The following DRD2 variants were observed in gnomAD, a reference collection of about 807,000 sequenced individuals.
The protein encoded by DRD2 is dopamine receptor D2, also known as D(2) dopamine receptor.
A neutral mutation model predicts 38.0 loss-of-function variants in DRD2; 8 were observed. That is an observed-to-expected ratio of 0.21 (90% CI 0.12 to 0.38). DRD2 has a LOEUF of 0.38. Among genes scored for constraint, DRD2 ranks in the 10% least tolerant of loss-of-function variants. DRD2 has a pLI of 1.00. For synonymous variants in DRD2, 230 were observed against 238.6 expected, an observed-to-expected ratio of 0.96 and a Z score of 0.33; for missense variants, 403 against 607.7, an observed-to-expected ratio of 0.66 and a Z score of 3.54.
rs188201487 is a variant in DRD2 at position 113,427,582 on chromosome 11, G to A, written c.-31-2900C>T. On this transcript the variant is annotated intron_variant, in intron 1 of 7. Coordinates refer to ENST00000362072, the MANE Select transcript of DRD2 (RefSeq NM_000795.4). The stretch of plus-strand genomic sequence containing the variant: ...CTTGACTCTGGTTTGTGGGCAGTAC[G>A]TATTCAACAGATGTTTGCTGAACTG... Among the ~76,000 whole-genome samples, 7 of 152,266 alleles carry A rather than the reference G, an allele frequency of 4.6e-5. No individual in the cohort carries two copies. In the East Asian group the frequency reaches 5.8e-4, roughly 13 times the overall value.
chr11:113,431,390 G>T (rs888752005), intron 1 of DRD2, among the ~76,000 whole-genome samples: 1 of 152,164 alleles, frequency 6.6e-6, no homozygotes, highest in Non-Finnish European at 1.5e-5. Context: ...GTCCTCTGAG[G>T]CCTCCTAGGC....
chr11:113,447,544 G>T, intron 1 of DRD2: 1 of 151,836 alleles, frequency 6.6e-6, no homozygotes, highest in East Asian at 1.9e-4. Context: ...CAGAGGATGC[G>T]AGCCAGCCAG....
intron 1 of DRD2, among the ~76,000 whole-genome samples, chr11:113,468,544 T>TTTGC (rs1045409565): frequency 6.6e-6 from 1 of 151,920 alleles, no homozygotes; most frequent in African/African-American, 2.4e-5. Context: ...TTGTTTTTTG[T>TTTGC]TTGTTTGTTT....
At chr11:113,418,169 A>T (rs1344946099) in intron 2 of DRD2, 33 bp from the exon 3 acceptor site, 1 of 1,568,874 alleles carries the variant, frequency 6.4e-7, no homozygotes, top group Non-Finnish European at 8.8e-7. Context: ...GATGGACAGC[A>T]GGAGTGGGAG....
intron 1 of DRD2, among the ~76,000 whole-genome samples, chr11:113,435,024 A>G (rs1951022821): frequency 6.6e-6 from 1 of 151,922 alleles, no homozygotes; most frequent in Admixed American, 6.6e-5. Context: ...ATCCCAGACA[A>G]CCCCGCTCTC....
intron 2 of DRD2, among the ~76,000 whole-genome samples, chr11:113,418,654 C>T (rs1591276963): frequency 6.6e-6 from 1 of 152,152 alleles, no homozygotes; most frequent in South Asian, 2.1e-4. Context: ...GCCAGCCACC[C>T]CGTTTCTCTA....
At chr11:113,436,393 A>G (rs1287021764) in intron 1 of DRD2, among the ~76,000 whole-genome samples, 1 of 152,204 alleles carries the variant, frequency 6.6e-6, no homozygotes, top group African/African-American at 2.4e-5. Flanking sequence ...ACCAATTGCA[A>G]TGTGTGGGCC....
At chr11:113,450,471 C>T (rs1951200598) in intron 1 of DRD2, among the ~76,000 whole-genome samples, 1 of 152,336 alleles carries the variant, frequency 6.6e-6, no homozygotes, top group African/African-American at 2.4e-5. Context: ...ACTCACATCT[C>T]AACATTCTGC....
At chr11:113,420,199 C>T (rs1950872241) in intron 2 of DRD2, among the ~76,000 whole-genome samples, 1 of 152,190 alleles carries the variant, frequency 6.6e-6, no homozygotes, top group South Asian at 2.1e-4. Flanking sequence ...TGTCTTCCTC[C>T]TCTCCTTCCC....
chr11:113,431,444 G>T (rs965943253), intron 1 of DRD2, among the ~76,000 whole-genome samples: 2 of 152,218 alleles, frequency 1.3e-5, no homozygotes, highest in Non-Finnish European at 2.9e-5. Flanking sequence ...AGAAAGAGAA[G>T]ACTGCATTTG....
rs867715417 is a variant in DRD2 at position 113,416,921 on chromosome 11, G to A, written c.474C>T (p.Ile158=). 1.2e-6 allele frequency: 2 copies of A among 1,614,206 alleles called. No homozygotes were observed. The highest frequency in any genetic ancestry group is 8.5e-7 in the Non-Finnish European group (1 of 1,180,022). Residue 158 remains isoleucine, a synonymous_variant, in exon 4 of 8, where the codon ATC becomes ATT. Coordinates refer to ENST00000362072, the MANE Select transcript of DRD2 (RefSeq NM_000795.4). ...AGATGGTGAAGGACAGGACCCAGAC[G>A]ATGGAGATCATGACGGTGACCCGGC... is the stretch of plus-strand genomic sequence containing the variant. ...SKRRVTVMIS[I]VWVLSFTISC...
At position 113,415,483 on chromosome 11, in the gene DRD2, T is replaced by C. The variant is rs1470705173; in HGVS notation, c.661A>G (p.Lys221Glu). 6.2e-7 allele frequency: 1 copy of C among 1,614,126 alleles called. No individual in the cohort carries two copies. The highest frequency in any genetic ancestry group is 8.5e-7 in the Non-Finnish European group (1 of 1,180,026). The change falls in exon 5 of 8, where the codon AAG becomes GAG. Residue 221 changes from lysine to glutamate, a missense_variant. Around this residue, in one of 4 missense-constraint regions of DRD2, gnomAD observed 166 missense variants for 178.6 expected, o/e 0.93. Transcript: ENST00000362072. ...KIYIVLRRRRKRVNTKRSSRA... is the reference protein window; with the variant it reads ...KIYIVLRRRRERVNTKRSSRA... ...CTGCTGCGTTTGGTGTTGACTCGCT[T>C]GCGGCGTCTGCGGAGGACAATGTAG...
chr11:113,466,472 C>G (rs1161602387), intron 1 of DRD2, among the ~76,000 whole-genome samples: 1 of 152,144 alleles, frequency 6.6e-6, no homozygotes, highest in Non-Finnish European at 1.5e-5. Context: ...GAAGTAGGTT[C>G]CAACCATTCA....
At chr11:113,427,901 A>G (rs1288871695) in intron 1 of DRD2, among the ~76,000 whole-genome samples, 1 of 152,148 alleles carries the variant, frequency 6.6e-6, no homozygotes, top group Admixed American at 6.5e-5. Flanking sequence ...CCCTAACCCA[A>G]TCTGACTGGA....
At chr11:113,446,519 C>T (rs1372184389) in intron 1 of DRD2, among the ~76,000 whole-genome samples, 2 of 152,192 alleles carry the variant, frequency 1.3e-5, no homozygotes, top group Non-Finnish European at 2.9e-5. Flanking sequence ...AAGGGAGTTC[C>T]TTTAATAACC....
chr11:113,462,821 CCTT>C (rs1005428230), intron 1 of DRD2, among the ~76,000 whole-genome samples: 9 of 152,234 alleles, frequency 5.9e-5, no homozygotes, highest in African/African-American at 2.2e-4. Context: ...CTCATTCACT[CCTT>C]CATCTATGCA....
chr11:113,470,429 T>C (rs1017909165), intron 1 of DRD2, among the ~76,000 whole-genome samples: 20 of 152,144 alleles, frequency 1.3e-4, no homozygotes, highest in Non-Finnish European at 4.4e-5. Context: ...GCAGGCCTAT[T>C]GATGGAGCTC....
At chr11:113,454,328 G>A (rs1345842570) in intron 1 of DRD2, among the ~76,000 whole-genome samples, 4 of 151,842 alleles carry the variant, frequency 2.6e-5, no homozygotes, top group African/African-American at 9.7e-5. Context: ...CTCCAGCCTG[G>A]GCAATAGAGT....
At chr11:113,455,486 G>T (rs946155724) in intron 1 of DRD2, among the ~76,000 whole-genome samples, 1 of 152,066 alleles carries the variant, frequency 6.6e-6, no homozygotes, top group Admixed American at 6.5e-5. Flanking sequence ...ATGTTTCTAC[G>T]TAGTGAAGGA....
Sources: gnomAD v4.1 joint callset for allele counts (sites outside exome capture counted in the v4.1 genomes callset) on GRCh38, gnomAD v4.1.1 for gene constraint, gnomAD v4.1.1 regional missense constraint, MANE v1.5 for transcripts, NCBI Gene and HGNC (gene_info 2026-07-23, HGNC 2026-07-21) for gene names.